NXPE2: variants seen among roughly 807,000 people sequenced by gnomAD.
NXPE2 encodes neurexophilin and PC-esterase domain family member 2, also known as NXPE family member 2.
NXPE2 carries 34 observed loss-of-function variants against 34.4 expected under a neutral mutation model. That is an observed-to-expected ratio of 0.99 (90% CI 0.75 to 1.31). NXPE2 has a LOEUF of 1.31. Ranked by LOEUF, NXPE2 falls within the 40% of genes most tolerant of loss-of-function variation. NXPE2 has a pLI of 0.00. For missense variants in NXPE2, 649 were observed against 672.5 expected (o/e 0.97, Z 0.39); for synonymous variants, 235 against 231.3 (o/e 1.02, Z -0.15).
At chr11:114,581,690 A>G in the NXPE2 span, 531 of 1,543,382 alleles carry the variant, frequency 3.4e-4, 2 homozygotes, top group African/African-American at 6.3e-3. Flanking sequence ...TGGGTCTAGA[A>G]CTAGGCACCA....
At chr11:114,582,350 G>A in the NXPE2 span, 2 of 1,612,432 alleles carry the variant, frequency 1.2e-6, no homozygotes, top group Non-Finnish European at 1.7e-6. Context: ...TAGAATACAT[G>A]TGAGTGAGTG....
At chr11:114,573,344 T>C in the NXPE2 span, among the ~76,000 whole-genome samples, 1 of 152,042 alleles carries the variant, frequency 6.6e-6, no homozygotes, top group Non-Finnish European at 1.5e-5. Context: ...ATGAATAGAA[T>C]AGTATCTTAT....
At chr11:114,628,569 G>A in the NXPE2 span, among the ~76,000 whole-genome samples, 39 of 150,476 alleles carry the variant, frequency 2.6e-4, no homozygotes, top group African/African-American at 9.5e-4. Flanking sequence ...GAGAAAGCAG[G>A]AAAGATCCAA....
the NXPE2 span, among the ~76,000 whole-genome samples, chr11:114,534,097 A>G: frequency 6.6e-6 from 1 of 152,192 alleles, no homozygotes; most frequent in African/African-American, 2.4e-5. Context: ...CTTCCAGAGG[A>G]ACGATCAGGC....
At chr11:114,784,063 A>G in the NXPE2 span, among the ~76,000 whole-genome samples, 1 of 152,240 alleles carries the variant, frequency 6.6e-6, no homozygotes, top group Non-Finnish European at 1.5e-5. Context: ...AGTAGCCTCA[A>G]GGTCACACAG....
the NXPE2 span, among the ~76,000 whole-genome samples, chr11:114,480,723 A>G: frequency 6.6e-6 from 1 of 152,170 alleles, no homozygotes; most frequent in Non-Finnish European, 1.5e-5. Flanking sequence ...TATTCACTGT[A>G]TTGTTGTGGG....
At chr11:114,570,178 C>G in the NXPE2 span, among the ~76,000 whole-genome samples, 5 of 152,270 alleles carry the variant, frequency 3.3e-5, no homozygotes, top group South Asian at 2.1e-4. Context: ...TACGGCTGAG[C>G]CAGTGATCAC....
the NXPE2 span, among the ~76,000 whole-genome samples, chr11:114,520,008 G>A: frequency 7.6e-6 from 1 of 132,294 alleles, no homozygotes; most frequent in Non-Finnish European, 1.6e-5. Flanking sequence ...TAAAGACGGG[G>A]TTTCACTGTG....
the NXPE2 span, among the ~76,000 whole-genome samples, chr11:114,523,343 C>T: frequency 6.6e-6 from 1 of 152,116 alleles, no homozygotes; most frequent in African/African-American, 2.4e-5. Flanking sequence ...TGAGCTAAAT[C>T]TTGACGTTCT....
chr11:114,625,409 A>G, the NXPE2 span, among the ~76,000 whole-genome samples: 4 of 151,658 alleles, frequency 2.6e-5, no homozygotes, highest in Non-Finnish European at 4.4e-5. Context: ...GTATTGCCTC[A>G]TGGGCAACCA....
At chr11:114,523,003 T>C in the NXPE2 span, 1 of 1,613,836 alleles carries the variant, frequency 6.2e-7, no homozygotes, top group Non-Finnish European at 8.5e-7. Flanking sequence ...GGTTGCAAAA[T>C]GTTGTTATCC....
chr11:114,675,570 C>T (rs7950081), upstream of NXPE2, among the ~76,000 whole-genome samples: 6 of 151,674 alleles, frequency 4.0e-5, no homozygotes, highest in Non-Finnish European at 7.4e-5. Flanking sequence ...ATAAAAAAAA[C>T]CCTTAGGAAT....
the NXPE2 span, among the ~76,000 whole-genome samples, chr11:114,753,016 G>C: frequency 3.3e-5 from 5 of 152,196 alleles, no homozygotes; most frequent in Non-Finnish European, 5.9e-5. Flanking sequence ...AGGAAACTGA[G>C]AATTTGCAAT....
At chr11:114,528,880 G>A in the NXPE2 span, 1 of 618,390 alleles carries the variant, frequency 1.6e-6, no homozygotes, top group Non-Finnish European at 3.0e-6. Flanking sequence ...TAGGATTTAG[G>A]CATAAGGATG....
At chr11:114,679,431 A>C (rs1950910019) in intron 1 of NXPE2, among the ~76,000 whole-genome samples, 1 of 152,068 alleles carries the variant, frequency 6.6e-6, no homozygotes, top group South Asian at 2.1e-4. Flanking sequence ...CGAAACCCAA[A>C]GAATTAACCT....
At chr11:114,630,938 G>A in the NXPE2 span, among the ~76,000 whole-genome samples, 1 of 151,254 alleles carries the variant, frequency 6.6e-6, no homozygotes, top group Non-Finnish European at 1.5e-5. Context: ...CACCATCACT[G>A]GCCATCAGAG....
the NXPE2 span, among the ~76,000 whole-genome samples, chr11:114,734,739 A>C: frequency 6.6e-6 from 1 of 152,190 alleles, no homozygotes; most frequent in African/African-American, 2.4e-5. Flanking sequence ...TCTTAGCTAC[A>C]TGCTCAAGGA....
the NXPE2 span, among the ~76,000 whole-genome samples, chr11:114,548,157 A>G: frequency 6.6e-6 from 1 of 152,218 alleles, no homozygotes; most frequent in South Asian, 2.1e-4. Context: ...ATATTTATGC[A>G]CCGAGTACAG....
chr11:114,552,026 G>A, the NXPE2 span: 2 of 152,186 alleles, frequency 1.3e-5, no homozygotes, highest in African/African-American at 4.8e-5. Context: ...GAGTGGTTTC[G>A]TTTTGTGGAA....
Sources: gnomAD v4.1 joint callset for allele counts (sites outside exome capture counted in the v4.1 genomes callset) on GRCh38, gnomAD v4.1.1 for gene constraint, MANE v1.5 for transcripts, NCBI Gene and HGNC (gene_info 2026-07-23, HGNC 2026-07-21) for gene names.